BICDL1: variants seen among roughly 807,000 people sequenced by gnomAD.
BICDL1 encodes BICD family-like cargo adapter 1.
In BICDL1, 20 loss-of-function variants were observed where a neutral mutation model predicts 76.8. That is an observed-to-expected ratio of 0.26 (90% confidence interval 0.18 to 0.38). The LOEUF is 0.38. Among genes scored for constraint, BICDL1 ranks in the 10% least tolerant of loss-of-function variants. BICDL1 has a pLI of 1.00. For missense variants in BICDL1, 700 were observed against 798.6 expected (o/e 0.88, Z 1.49); for synonymous variants, 383 against 337.1 (o/e 1.14, Z -1.49).
chr12:120,063,519 G>A (rs1204254473), intron 3 of BICDL1, among the ~76,000 whole-genome samples: 1 of 134,290 alleles, frequency 7.4e-6, no homozygotes, highest in Non-Finnish European at 1.5e-5. Flanking sequence ...AGGGAAAAGT[G>A]TATCTCGTAG....
chr12:119,991,647 A>G (rs780267861), intron 1 of BICDL1, among the ~76,000 whole-genome samples: 1 of 152,206 alleles, frequency 6.6e-6, no homozygotes, highest in Non-Finnish European at 1.5e-5. Flanking sequence ...CAGTTGTACG[A>G]CTTTGTAAAG....
intron 2 of BICDL1, among the ~76,000 whole-genome samples, chr12:120,033,463 G>A (rs1952469423): frequency 2.1e-5 from 3 of 140,820 alleles, no homozygotes; most frequent in South Asian, 4.7e-4. Context: ...TGCAAACTCC[G>A]CCTCCCGGGT....
chr12:120,054,076 T>G (rs1054728695), intron 2 of BICDL1, among the ~76,000 whole-genome samples: 1 of 71,284 alleles, frequency 1.4e-5, no homozygotes, highest in African/African-American at 1.3e-4. Flanking sequence ...AATTGTAACT[T>G]TTTTTTTTTT....
intron 1 of BICDL1, chr12:119,992,878 T>G (rs1951553980): frequency 6.6e-6 from 1 of 152,226 alleles, no homozygotes; most frequent in African/African-American, 2.4e-5. Flanking sequence ...AATGCCACTT[T>G]CACTATTGAA....
chr12:120,086,550 G>C (rs539307947), intron 8 of BICDL1, among the ~76,000 whole-genome samples: 1 of 152,198 alleles, frequency 6.6e-6, no homozygotes, highest in African/African-American at 2.4e-5. Context: ...TCAGGGGTGA[G>C]AATCCCTAAG....
At chr12:120,072,417 G>A in intron 5 of BICDL1, 94 bp from the exon 6 acceptor site, 1 of 1,140,288 alleles carries the variant, frequency 8.8e-7, no homozygotes. Flanking sequence ...CTGGTGTCTT[G>A]GGTATCAGTA....
intron 9 of BICDL1, chr12:120,090,941 C>T: frequency 7.8e-7 from 1 of 1,288,926 alleles, no homozygotes; most frequent in South Asian, 1.2e-5. Flanking sequence ...TACTATCTGG[C>T]TCCTTTGGTT....
intron 8 of BICDL1, among the ~76,000 whole-genome samples, chr12:120,087,273 C>T (rs1874500008): frequency 6.6e-6 from 1 of 152,254 alleles, no homozygotes; most frequent in Admixed American, 6.5e-5. Context: ...CCCGTCGCTG[C>T]CGCAGTGGGC....
At position 120,021,283 on chromosome 12, in the gene BICDL1, CA is replaced by C. The variant is rs370578617; in HGVS notation, c.645+22558del. ...TGGGCGACAGAGCAAGACTCCATCT[CA>C]AAAAAAAAAAGGAGAGAATAGGCAG... On this transcript the variant is annotated intron_variant, in intron 2 of 9. Transcript: ENST00000548673. Among the ~76,000 whole-genome samples, 323 of 132,394 alleles carry C rather than the reference CA, an allele frequency of 2.4e-3. 1 individual carries two copies. Among genetic ancestry groups the C allele is most frequent in the African/African-American group, 6.6e-3 (237 of 35,792 alleles). 86.9% of individuals were successfully genotyped at this position (132,394 alleles called of 152,430 possible).
chr12:120,059,936 C>T (rs1953068133), intron 2 of BICDL1, among the ~76,000 whole-genome samples: 1 of 152,076 alleles, frequency 6.6e-6, no homozygotes, highest in Non-Finnish European at 1.5e-5. Flanking sequence ...TGGTCTCAAG[C>T]TCCTGGGCTT....
At position 120,071,671 on chromosome 12, in the gene BICDL1, A is replaced by G; in HGVS notation, c.959A>G (p.Gln320Arg). The G allele has an allele frequency of 1.2e-6, 2 of 1,612,456 alleles. No individual in the cohort carries two copies. Among genetic ancestry groups the G allele is most frequent in the Non-Finnish European group, 1.7e-6 (2 of 1,179,676 alleles). Residue 320 changes from glutamine to arginine, a missense_variant, in exon 5 of 10, where the codon CAG becomes CGG. Transcript: ENST00000548673. The surrounding 1 kb of genome is among the most constrained non-coding windows in gnomAD (Gnocchi z 4.8). ...CAGGAGGTGCGTCTCTCCTGCCGAC[A>G]GCTGCAGGTGAAGGTGGAAGAACTC... ...ELQEVRLSCR[Q>R]LQVKVEELTE...
At chr12:120,082,244 T>A (rs1874050440) in intron 8 of BICDL1, among the ~76,000 whole-genome samples, 2 of 151,686 alleles carry the variant, frequency 1.3e-5, no homozygotes, top group Non-Finnish European at 2.9e-5. Context: ...TCCCTTATAT[T>A]TCCAATAAAC....
Position 120,064,659 on chromosome 12 carries a change from G to C in BICDL1, c.763-74G>C, listed in dbSNP as rs552763213. 3 of 1,447,360 alleles carry C rather than the reference G, an allele frequency of 2.1e-6. No homozygotes were observed. The African/African-American group carries it at 4.3e-5, about 21-fold the overall frequency. The allele number at this position is 1,447,360 out of a possible 1,614,324, so 89.7% of individuals were successfully genotyped here. On this transcript the variant is annotated intron_variant, in intron 3 of 9. Coordinates refer to ENST00000548673, the MANE Select transcript of BICDL1 (RefSeq NM_001367886.1). The stretch of plus-strand genomic sequence containing the variant: ...GAAAGATACTTGCCTTCATGTTTTG[G>C]GGCTAGTCCCTAGTTCCTACTTGTC...
At chr12:120,032,105 T>G (rs1952435798) in intron 2 of BICDL1, among the ~76,000 whole-genome samples, 1 of 152,060 alleles carries the variant, frequency 6.6e-6, no homozygotes, top group Non-Finnish European at 1.5e-5. Flanking sequence ...AAGAAAATAC[T>G]TCCCACTGTA....
chr12:120,015,932 C>A lies in BICDL1; in HGVS notation c.645+17196C>A, dbSNP rs555140698. 3.3e-5 allele frequency among the ~76,000 whole-genome samples: 5 copies of A among 152,252 alleles called. No individual in the cohort carries two copies. The South Asian group carries it at 8.3e-4, about 25-fold the overall frequency. ...ATAATTTACAGTTTATAAATTCACC[C>A]ACTGTAAATGTATAATTCAATTTTT... is the stretch of plus-strand genomic sequence containing the variant. On this transcript the variant is annotated intron_variant, in intron 2 of 9. Coordinates refer to ENST00000548673, the MANE Select transcript of BICDL1 (RefSeq NM_001367886.1).
chr12:120,015,443 C>G (rs1454360911), intron 2 of BICDL1, among the ~76,000 whole-genome samples: 1 of 152,190 alleles, frequency 6.6e-6, no homozygotes, highest in East Asian at 1.9e-4. Context: ...GTTGCCACTT[C>G]CTTCATGAGA....
At chr12:120,060,225 A>T (rs2138893233) in intron 2 of BICDL1, among the ~76,000 whole-genome samples, 1 of 152,360 alleles carries the variant, frequency 6.6e-6, no homozygotes, top group South Asian at 2.1e-4. Context: ...TTTTTAAGTG[A>T]TTGAGAAGTC....
intron 4 of BICDL1, among the ~76,000 whole-genome samples, chr12:120,066,243 C>T (rs1282984958): frequency 6.6e-6 from 1 of 152,186 alleles, no homozygotes; most frequent in Admixed American, 6.5e-5. Flanking sequence ...TCAGTGATAA[C>T]TTCTTGGTAT....
intron 2 of BICDL1, among the ~76,000 whole-genome samples, chr12:120,026,796 T>C (rs2138740023): frequency 6.6e-6 from 1 of 152,318 alleles, no homozygotes; most frequent in East Asian, 1.9e-4. Flanking sequence ...TTACTGCCTC[T>C]GTGGATGTGT....
Sources: gnomAD v4.1 joint callset for allele counts (sites outside exome capture counted in the v4.1 genomes callset) on GRCh38, gnomAD v4.1.1 for gene constraint, Gnocchi (gnomAD v3.1) non-coding constraint, MANE v1.5 for transcripts, NCBI Gene and HGNC (gene_info 2026-07-23, HGNC 2026-07-21) for gene names.